The following CCDC175 variants were observed in gnomAD, a reference collection of about 807,000 sequenced individuals.
CCDC175 encodes coiled-coil domain containing 175.
In CCDC175, 100 loss-of-function variants were observed where a neutral mutation model predicts 114.6. That is an observed-to-expected ratio of 0.87 (90% CI 0.74 to 1.03). The LOEUF (loss-of-function observed/expected upper bound fraction) is 1.03, where lower values mean the gene tolerates loss of function less well. Ranked by LOEUF, CCDC175 falls within the 50% of genes least tolerant of loss-of-function variation. The probability of loss-of-function intolerance (pLI) is 0.00; values close to 1 mark genes in which losing one functional copy is unlikely to be tolerated. For missense variants in CCDC175, 880 were observed against 917.8 expected (o/e 0.96, Z 0.53); for synonymous variants, 306 against 308.7 (o/e 0.99, Z 0.09).
intron 3 of CCDC175, among the ~76,000 whole-genome samples, chr14:59,569,640 TCTTCTAA>T (rs1595081615): frequency 1.4e-5 from 2 of 146,966 alleles, no homozygotes; most frequent in East Asian, 4.1e-4. Context: ...TGGTGTAGAT[TCTTCTAA>T]ATCTGATTTT....
At chr14:59,556,669 T>C (rs1017219645) in intron 7 of CCDC175, among the ~76,000 whole-genome samples, 42 of 152,124 alleles carry the variant, frequency 2.8e-4, no homozygotes, top group African/African-American at 8.9e-4. Context: ...TCAGAGTGAA[T>C]AGGCAACCTA....
At chr14:59,511,696 G>A (rs1258979800) in intron 18 of CCDC175, 64 bp downstream of exon 18, 12 of 1,313,332 alleles carry the variant, frequency 9.1e-6, no homozygotes, top group Non-Finnish European at 1.3e-5. Flanking sequence ...ACACTTATTA[G>A]GTAGGTAAAC....
intron 15 of CCDC175, among the ~76,000 whole-genome samples, chr14:59,526,439 C>G (rs1414399982): frequency 6.6e-6 from 1 of 151,826 alleles, no homozygotes; most frequent in Non-Finnish European, 1.5e-5. Flanking sequence ...AACCTCATCT[C>G]TACTAAAAAA....
chr14:59,510,405 T>A, intron 19 of CCDC175: 1 of 368,586 alleles, frequency 2.7e-6, no homozygotes, highest in Non-Finnish European at 4.9e-6. Flanking sequence ...ATAAACTTTT[T>A]AAAAAAATTA....
chr14:59,546,018 A>G (rs1895085934), intron 8 of CCDC175, among the ~76,000 whole-genome samples: 1 of 152,222 alleles, frequency 6.6e-6, no homozygotes, highest in African/African-American at 2.4e-5. Flanking sequence ...ACCTGTGCTC[A>G]TGTTTATTGC....
intron 14 of CCDC175, 87 bp downstream of exon 14, chr14:59,531,685 T>C: frequency 2.1e-6 from 2 of 959,790 alleles, no homozygotes; most frequent in Non-Finnish European, 2.9e-6. Context: ...CACCATTGGC[T>C]TGTAACTGAT....
At chr14:59,513,614 G>T (rs1242342465) in intron 17 of CCDC175, among the ~76,000 whole-genome samples, 2 of 152,310 alleles carry the variant, frequency 1.3e-5, no homozygotes, top group Admixed American at 6.5e-5. Context: ...CAGCGAGGCT[G>T]GGGGAGGGGT....
At chr14:59,572,882 GC>G in intron 2 of CCDC175, 69 bp from the exon 3 acceptor site, 1 of 883,824 alleles carries the variant, frequency 1.1e-6, no homozygotes, top group Non-Finnish European at 1.7e-6. Context: ...CCTAAACAAT[GC>G]CCTACAAATG....
intron 8 of CCDC175, among the ~76,000 whole-genome samples, chr14:59,547,460 T>C (rs1895183824): frequency 6.6e-6 from 1 of 152,228 alleles, no homozygotes; most frequent in African/African-American, 2.4e-5. Flanking sequence ...AAACTCATTT[T>C]AAAGGTACTA....
chr14:59,535,357 C>T (rs1894332763), intron 13 of CCDC175, among the ~76,000 whole-genome samples: 1 of 152,128 alleles, frequency 6.6e-6, no homozygotes, highest in Non-Finnish European at 1.5e-5. Context: ...AAGTCTTATG[C>T]TTCTATTTTA....
chr14:59,508,950 G>C (rs1892600641), intron 19 of CCDC175, among the ~76,000 whole-genome samples: 1 of 152,082 alleles, frequency 6.6e-6, no homozygotes, highest in Non-Finnish European at 1.5e-5. Flanking sequence ...GACAGTGCCT[G>C]GCTCCATTGC....
At chr14:59,550,405 T>C (rs577052556) in intron 8 of CCDC175, among the ~76,000 whole-genome samples, 20 of 152,252 alleles carry the variant, frequency 1.3e-4, no homozygotes, top group African/African-American at 4.6e-4. Context: ...CTACTTATGA[T>C]ATGATTTTTT....
chr14:59,552,239 T>G (rs12889343), intron 7 of CCDC175, among the ~76,000 whole-genome samples: 67,912 of 152,110 alleles, frequency 0.45, 17,397 homozygotes, highest in East Asian at 0.81. Context: ...GACTGACACG[T>G]CAACTGGCCG....
intron 7 of CCDC175, among the ~76,000 whole-genome samples, chr14:59,557,577 G>T (rs1895985786): frequency 6.6e-6 from 1 of 150,570 alleles, no homozygotes; most frequent in Admixed American, 6.6e-5. Context: ...TAACAAACCT[G>T]CATGTTGTGC....
chr14:59,525,222 A>G (rs986882057), intron 16 of CCDC175, 60 bp downstream of exon 16: 1 of 1,190,944 alleles, frequency 8.4e-7, no homozygotes, highest in Non-Finnish European at 1.1e-6. Context: ...TCTTATAACT[A>G]TTACAGGTCT....
Position 59,563,756 on chromosome 14 carries a change from G to C in CCDC175, c.824C>G (p.Thr275Arg). Residue 275 changes from threonine to arginine, a missense_variant, in exon 6 of 20, where the codon ACA becomes AGA. Thr to Arg is a moderately conservative substitution (Grantham distance 71, BLOSUM62 -1). Transcript: ENST00000537690. Reference protein sequence around the residue: ...LQTKMSKIKETVTVSAAVLSD... With the variant: ...LQTKMSKIKERVTVSAAVLSD... Reference sequence around the variant, plus strand: ...TCTTACCGCTGCGGAAACAGTAACTGTTTCTTTTATTTTTGACATTTTAGT... The same window carrying C: ...TCTTACCGCTGCGGAAACAGTAACTCTTTCTTTTATTTTTGACATTTTAGT... 7.0e-7 allele frequency: 1 copy of C among 1,433,498 alleles called. No individual in the cohort carries two copies. 88.8% of individuals were successfully genotyped at this position (1,433,498 alleles called of 1,614,324 possible). A position where few individuals can be genotyped will look rare whatever the true frequency, so the allele number is the denominator to read the frequency against.
intron 16 of CCDC175, among the ~76,000 whole-genome samples, chr14:59,523,245 G>C (rs960035750): frequency 2.6e-5 from 4 of 152,176 alleles, no homozygotes; most frequent in Non-Finnish European, 5.9e-5. Flanking sequence ...GCATGTGTGA[G>C]GGTTATCAAT....
At chr14:59,532,797 C>A (rs964991590) in intron 13 of CCDC175, among the ~76,000 whole-genome samples, 21 of 152,184 alleles carry the variant, frequency 1.4e-4, no homozygotes, top group African/African-American at 5.1e-4. Flanking sequence ...CAGCCCTGGA[C>A]CCCTTCCCTA....
chr14:59,516,928 C>T (rs1893127382), intron 17 of CCDC175, among the ~76,000 whole-genome samples: 2 of 152,182 alleles, frequency 1.3e-5, no homozygotes, highest in Non-Finnish European at 2.9e-5. Flanking sequence ...CACTAAAATA[C>T]TGGCAATCCG....
Sources: allele counts gnomAD v4.1 joint callset (sites outside exome capture counted in the v4.1 genomes callset), GRCh38; gene constraint gnomAD v4.1.1; transcripts MANE v1.5; gene names NCBI Gene and HGNC (gene_info 2026-07-23, HGNC 2026-07-21).